Variants in KCND2 observed in about 807,000 individuals in gnomAD.
KCND2 encodes A-type voltage-gated potassium channel KCND2.
Under a neutral mutation model 54.4 loss-of-function variants are expected in KCND2, and 16 were observed. The ratio of observed to expected loss-of-function variants is 0.29; its 90% CI spans 0.20 to 0.45. The LOEUF (loss-of-function observed/expected upper bound fraction) is 0.45. Among genes scored for constraint, KCND2 ranks in the 20% least tolerant of loss-of-function variants. KCND2 has a pLI of 1.00. For missense variants in KCND2, 486 were observed against 824.2 expected, an observed-to-expected ratio of 0.59 and a Z score of 5.02; for synonymous variants, 317 against 310.7, an observed-to-expected ratio of 1.02 and a Z score of -0.21.
chr7:120,647,351 C>T (rs1024045356), intron 1 of KCND2, among the ~76,000 whole-genome samples: 1 of 152,176 alleles, frequency 6.6e-6, no homozygotes, highest in Non-Finnish European at 1.5e-5. Context: ...AACTTTCAAA[C>T]ACCTACACCA....
At chr7:120,589,381 A>G (rs1324794061) in intron 1 of KCND2, among the ~76,000 whole-genome samples, 1 of 152,232 alleles carries the variant, frequency 6.6e-6, no homozygotes, top group East Asian at 1.9e-4. Context: ...TTTAATAGAC[A>G]ATAAAGTATA....
At chr7:120,487,745 T>TA (rs762039000) in intron 1 of KCND2, among the ~76,000 whole-genome samples, 4 of 152,218 alleles carry the variant, frequency 2.6e-5, no homozygotes, top group Non-Finnish European at 4.4e-5. Context: ...CTATCCCTGA[T>TA]ACTCTTAAAA....
chr7:120,528,242 C>T lies in KCND2; in HGVS notation c.1116-204661C>T, dbSNP rs1009631471. ...CGACAGCAGTTATAGAATTGAGACT[C>T]TCAATTGTAATATAAAAGTAAATTT... On this transcript the variant is annotated intron_variant, in intron 1 of 5. Transcript: ENST00000331113. Among the ~76,000 whole-genome samples, 4 of 152,078 alleles carry T rather than the reference C, an allele frequency of 2.6e-5. No homozygotes were observed. The East Asian group carries it at 5.8e-4, about 22-fold the overall frequency.
chr7:120,393,442 C>G (rs1243269972), intron 1 of KCND2, among the ~76,000 whole-genome samples: 1 of 151,982 alleles, frequency 6.6e-6, no homozygotes, highest in Non-Finnish European at 1.5e-5. Context: ...TAAGTGTCAT[C>G]TAGAAATGCA....
At chr7:120,710,446 T>C (rs1029347280) in intron 1 of KCND2, among the ~76,000 whole-genome samples, 2 of 152,150 alleles carry the variant, frequency 1.3e-5, no homozygotes, top group African/African-American at 2.4e-5. Context: ...TAGCTGCAAA[T>C]ATTTTAGCCA....
chr7:120,356,201 A>G (rs1800501921), intron 1 of KCND2, among the ~76,000 whole-genome samples: 1 of 152,122 alleles, frequency 6.6e-6, no homozygotes, highest in African/African-American at 2.4e-5. Context: ...CTAATGCTCT[A>G]ATGGAAAACT....
At chr7:120,558,339 C>T (rs1056260141) in intron 1 of KCND2, among the ~76,000 whole-genome samples, 5 of 152,088 alleles carry the variant, frequency 3.3e-5, no homozygotes, top group African/African-American at 1.2e-4. Flanking sequence ...TACTGGGATA[C>T]AACAGTAAGA....
intron 1 of KCND2, among the ~76,000 whole-genome samples, chr7:120,684,402 T>C (rs1357345565): frequency 6.6e-6 from 1 of 152,192 alleles, no homozygotes; most frequent in African/African-American, 2.4e-5. Context: ...TAACAAGATA[T>C]GTAAATTTCC....
intron 1 of KCND2, among the ~76,000 whole-genome samples, chr7:120,436,917 C>A (rs906819972): frequency 6.6e-6 from 1 of 152,172 alleles, no homozygotes; most frequent in African/African-American, 2.4e-5. Context: ...AGGTTTTAGT[C>A]ATTCTCTTTC....
At chr7:120,292,940 T>C (rs1273014858) in intron 1 of KCND2, among the ~76,000 whole-genome samples, 1 of 151,816 alleles carries the variant, frequency 6.6e-6, no homozygotes, top group Non-Finnish European at 1.5e-5. Flanking sequence ...AGAGAGTACA[T>C]TGGAATCATG....
At chr7:120,389,982 G>C (rs1801048668) in intron 1 of KCND2, among the ~76,000 whole-genome samples, 1 of 151,760 alleles carries the variant, frequency 6.6e-6, no homozygotes, top group Non-Finnish European at 1.5e-5. Context: ...TTATGTTCAT[G>C]GTCTTTATTG....
chr7:120,521,325 ATTATT>A (rs1214501275), intron 1 of KCND2, among the ~76,000 whole-genome samples: 1 of 152,090 alleles, frequency 6.6e-6, no homozygotes, highest in African/African-American at 2.4e-5. Flanking sequence ...TAAAAAAAAA[ATTATT>A]TTAGGGTTAT....
intron 1 of KCND2, among the ~76,000 whole-genome samples, chr7:120,367,240 T>C (rs1438734080): frequency 6.6e-6 from 1 of 152,108 alleles, no homozygotes; most frequent in African/African-American, 2.4e-5. Flanking sequence ...TGAACCCAGG[T>C]CTGCCTAATT....
At chr7:120,646,689 T>A (rs995619009) in intron 1 of KCND2, among the ~76,000 whole-genome samples, 12 of 152,226 alleles carry the variant, frequency 7.9e-5, no homozygotes, top group Admixed American at 1.3e-4. Context: ...TAAGTTATTT[T>A]AAAAAACTGT....
intron 1 of KCND2, among the ~76,000 whole-genome samples, chr7:120,435,719 T>G (rs1370361938): frequency 6.7e-6 from 1 of 149,968 alleles, no homozygotes; most frequent in Non-Finnish European, 1.5e-5. Context: ...TCTTCTGGCA[T>G]GTCTAACCAG....
intron 1 of KCND2, among the ~76,000 whole-genome samples, chr7:120,498,602 C>T (rs1319422539): frequency 6.6e-6 from 1 of 151,884 alleles, no homozygotes; most frequent in African/African-American, 2.4e-5. Flanking sequence ...TGGTGAAACC[C>T]TGTCTGTACT....
intron 1 of KCND2, among the ~76,000 whole-genome samples, chr7:120,680,728 G>A (rs1028520727): frequency 2.1e-4 from 32 of 151,928 alleles, no homozygotes; most frequent in African/African-American, 7.5e-4. Flanking sequence ...AGCTCTTTGG[G>A]AGAAGGGAAT....
chr7:120,316,177 T>C (rs1799809112), intron 1 of KCND2, among the ~76,000 whole-genome samples: 1 of 152,212 alleles, frequency 6.6e-6, no homozygotes, highest in African/African-American at 2.4e-5. Flanking sequence ...CTATACTCTT[T>C]TACATTTGCC....
intron 1 of KCND2, among the ~76,000 whole-genome samples, chr7:120,318,457 A>G (rs1176863870): frequency 6.6e-6 from 1 of 152,130 alleles, no homozygotes; most frequent in Non-Finnish European, 1.5e-5. Flanking sequence ...CATAATGACC[A>G]AAACTGTGCT....
Sources: allele counts gnomAD v4.1 joint callset (sites outside exome capture counted in the v4.1 genomes callset), GRCh38; gene constraint gnomAD v4.1.1; transcripts MANE v1.5; gene names NCBI Gene and HGNC (gene_info 2026-07-23, HGNC 2026-07-21).